Variants in IQSEC3 observed in about 807,000 individuals in gnomAD.
The protein encoded by IQSEC3 is IQ motif and SEC7 domain-containing protein 3.
A neutral mutation model predicts 105.4 loss-of-function variants in IQSEC3; 50 were observed. That is an observed-to-expected ratio of 0.47 (90% CI 0.38 to 0.60). The LOEUF is 0.60. IQSEC3 is among the 20% of genes least tolerant of loss of function. IQSEC3 has a pLI of 0.00. For synonymous variants in IQSEC3, 708 were observed against 746.0 expected, an observed-to-expected ratio of 0.95 and a Z score of 0.83; for missense variants, 1,415 against 1,630.0, an observed-to-expected ratio of 0.87 and a Z score of 2.27.
At chr12:124,281 C>T (rs1386887130) in intron 2 of IQSEC3, among the ~76,000 whole-genome samples, 10 of 150,220 alleles carry the variant, frequency 6.7e-5, no homozygotes, top group African/African-American at 2.0e-4. Flanking sequence ...CCCAGCCACT[C>T]GGGAAGCTGA....
intron 2 of IQSEC3, among the ~76,000 whole-genome samples, chr12:117,698 G>A (rs1488227100): frequency 1.3e-5 from 2 of 152,208 alleles, no homozygotes; most frequent in Admixed American, 6.5e-5. Context: ...ACCTTTAGGA[G>A]CAGCTGTGAG....
rs1735972417 is a variant in IQSEC3, at chr12:170,967, G to T, written c.3065-145G>T. ...GCCCAGGTCACATAGCTCCTAAGTG[G>T]CAGAGTGGGGCTCCCAACCTCCGCC... On this transcript the variant is annotated intron_variant, in intron 12 of 13. Transcript: ENST00000538872. 45 of 899,818 alleles carry T rather than the reference G, an allele frequency of 5.0e-5. 1 individual carries two copies. The South Asian group carries it at 7.0e-4, about 14-fold the overall frequency. 55.7% of individuals were successfully genotyped at this position (899,818 alleles called of 1,614,324 possible).
Position 175,103 on chromosome 12 carries a change from T to C in IQSEC3, c.*70T>C, listed in dbSNP as rs1044870455. The C allele has an allele frequency of 5.0e-6, 6 of 1,195,878 alleles. No homozygotes were observed. In the African/African-American group the frequency reaches 9.2e-5, roughly 18 times the overall value. The allele number at this position is 1,195,878 out of a possible 1,614,324, so 74.1% of individuals were successfully genotyped here. A position where few individuals can be genotyped will look rare whatever the true frequency, so the allele number is the denominator to read the frequency against. Reference sequence around the variant, plus strand: ...GGGGCCTGGGCTGCCCCTCCACTGCTCCCCATACCCTGGCACGATGCGTTC... The same window carrying C: ...GGGGCCTGGGCTGCCCCTCCACTGCCCCCCATACCCTGGCACGATGCGTTC... On this transcript the variant is annotated 3_prime_UTR_variant, in exon 14 of 14. Coordinates refer to ENST00000538872, the MANE Select transcript of IQSEC3 (RefSeq NM_001170738.2).
At chr12:97,374 TC>T (rs1158836490) in intron 1 of IQSEC3, among the ~76,000 whole-genome samples, 1 of 152,268 alleles carries the variant, frequency 6.6e-6, no homozygotes, top group Non-Finnish European at 1.5e-5. Flanking sequence ...GACATGTTTA[TC>T]TTTTTTTAAT....
At chr12:108,638 G>A (rs1768223491) in intron 2 of IQSEC3, among the ~76,000 whole-genome samples, 1 of 152,178 alleles carries the variant, frequency 6.6e-6, no homozygotes, top group Admixed American at 6.5e-5. Context: ...AAACTGACTG[G>A]AGTTCATTTA....
intron 5 of IQSEC3, among the ~76,000 whole-genome samples, chr12:147,601 T>A (rs982590574): frequency 2.0e-5 from 3 of 152,072 alleles, no homozygotes; most frequent in African/African-American, 7.2e-5. Flanking sequence ...CAGTCCCCCA[T>A]CATGAATCAT....
chr12:135,078 C>T lies in IQSEC3; in HGVS notation c.904-3189C>T, dbSNP rs537494214. On this transcript the variant is annotated intron_variant, in intron 3 of 13. Transcript: ENST00000538872. Reference sequence around the variant, plus strand: ...CCAGGAGGCGGAGGTTATGGTGAGCCGAGATCGTGCCACTGCACTCCAGCC... The same window carrying T: ...CCAGGAGGCGGAGGTTATGGTGAGCTGAGATCGTGCCACTGCACTCCAGCC... 2.6e-4 allele frequency among the ~76,000 whole-genome samples: 39 copies of T among 152,116 alleles called. 1 individual carries two copies. In the East Asian group the frequency reaches 5.2e-3, roughly 20 times the overall value.
intron 1 of IQSEC3, among the ~76,000 whole-genome samples, chr12:85,616 C>T (rs2136893142): frequency 6.6e-6 from 1 of 152,324 alleles, no homozygotes; most frequent in African/African-American, 2.4e-5. Flanking sequence ...TGGGGCTGGG[C>T]TGAGTGGCGG....
At chr12:168,970 G>A (rs1938821712) in intron 11 of IQSEC3, 43 bp from the exon 12 acceptor site, 1 of 1,541,306 alleles carries the variant, frequency 6.5e-7, no homozygotes, top group Non-Finnish European at 9.0e-7. Context: ...CTGTGTGGTT[G>A]AGGTTAAGGT....
chr12:155,362 T>G (rs988186384), intron 5 of IQSEC3, among the ~76,000 whole-genome samples: 14 of 151,876 alleles, frequency 9.2e-5, no homozygotes, highest in Non-Finnish European at 1.8e-4. Context: ...CTGAGAGGAG[T>G]GGGCTTTGAC....
At chr12:115,196 G>T (rs541818522) in intron 2 of IQSEC3, among the ~76,000 whole-genome samples, 104 of 152,320 alleles carry the variant, frequency 6.8e-4, no homozygotes, top group African/African-American at 2.5e-3. Context: ...CAGCAAGAAT[G>T]CACCTGACCT....
chr12:110,680 G>T (rs1864852020), intron 2 of IQSEC3, among the ~76,000 whole-genome samples: 2 of 152,022 alleles, frequency 1.3e-5, no homozygotes, highest in African/African-American at 4.8e-5. Flanking sequence ...ATTTATGATT[G>T]ACATTATCTT....
Position 138,739 on chromosome 12 carries a change from CGG to C in IQSEC3, c.1378_1379del (p.Gly460ProfsTer6), listed in dbSNP as rs1865881286. The C allele has an allele frequency of 6.6e-7, 1 of 1,510,472 alleles. No homozygotes were observed. 93.6% of individuals were successfully genotyped at this position (1,510,472 alleles called of 1,614,324 possible). A position where few individuals can be genotyped will look rare whatever the true frequency, so the allele number is the denominator to read the frequency against. On this transcript the variant is annotated frameshift_variant, in exon 4 of 14. Coordinates refer to ENST00000538872, the MANE Select transcript of IQSEC3 (RefSeq NM_001170738.2). LOFTEE classifies it high-confidence loss of function. The surrounding 1 kb of genome is among the most constrained non-coding windows in gnomAD (Gnocchi z 7.1). ...GCCGAGGGGCGGGCGCCGGAGAGCG[CGG>C]GCCCCGGGCCCGGGGATGACGCCGC...
intron 3 of IQSEC3, among the ~76,000 whole-genome samples, chr12:133,593 TG>T (rs1439936222): frequency 6.6e-6 from 1 of 152,226 alleles, no homozygotes; most frequent in African/African-American, 2.4e-5. Context: ...AGGGCAGGGT[TG>T]GGTCAGCATC....
rs782134571 is a variant in IQSEC3 at position 99,188 on chromosome 12, C to T, written c.597C>T (p.Asp199=). ...ACCAGTTCTGCTGCCCAGCCGCCGA[C>T]GCCTGCTCCGACCTGGCCTCCCAAA... ...VLHQFCCPAA[D]ACSDLASQSD... Residue 199 remains aspartate, a synonymous_variant, in exon 2 of 14, where the codon GAC becomes GAT. Transcript: ENST00000538872. 36 of 1,598,830 alleles carry T rather than the reference C, an allele frequency of 2.3e-5. No homozygotes were observed. The highest frequency in any genetic ancestry group is 2.5e-5 in the Non-Finnish European group (29 of 1,179,738).
chr12:103,885 C>A, intron 2 of IQSEC3, among the ~76,000 whole-genome samples: 1 of 59,348 alleles, frequency 1.7e-5, no homozygotes, highest in Non-Finnish European at 3.4e-5. Flanking sequence ...GAGGCGGGGG[C>A]TCGGGAGGGG....
intron 3 of IQSEC3, among the ~76,000 whole-genome samples, chr12:127,059 A>G (rs1176791402): frequency 4.6e-5 from 7 of 152,216 alleles, no homozygotes; most frequent in Non-Finnish European, 1.0e-4. Context: ...GAATTATCCA[A>G]AAAATATTCA....
chr12:120,171 A>G (rs574829524), intron 2 of IQSEC3, among the ~76,000 whole-genome samples: 4 of 152,348 alleles, frequency 2.6e-5, no homozygotes, highest in African/African-American at 7.2e-5. Context: ...TTGCTGAAAT[A>G]CAGGCAAGTA....
At chr12:128,130 C>T (rs1865475845) in intron 3 of IQSEC3, among the ~76,000 whole-genome samples, 1 of 152,166 alleles carries the variant, frequency 6.6e-6, no homozygotes, top group African/African-American at 2.4e-5. Context: ...GCTTTAGGTA[C>T]CTCTTCCTCC....
Sources: gnomAD v4.1 joint callset for allele counts (sites outside exome capture counted in the v4.1 genomes callset) on GRCh38, gnomAD v4.1.1 for gene constraint, Gnocchi (gnomAD v3.1) non-coding constraint, MANE v1.5 for transcripts, NCBI Gene and HGNC (gene_info 2026-07-23, HGNC 2026-07-21) for gene names.